KIF16B: variants seen among roughly 807,000 people sequenced by gnomAD.
The protein encoded by KIF16B is kinesin-like protein KIF16B.
Under a neutral mutation model 156.3 loss-of-function variants are expected in KIF16B, and 98 were observed. That is an observed-to-expected ratio of 0.63 (90% CI 0.53 to 0.74). KIF16B has a LOEUF of 0.74. Among genes scored for constraint, KIF16B ranks in the 30% least tolerant of loss-of-function variants. The pLI is 0.00. For missense variants in KIF16B, 1,421 were observed against 1,606.5 expected (o/e 0.88, Z 1.97); for synonymous variants, 564 against 583.7 (o/e 0.97, Z 0.49).
At chr20:16,460,597 C>A (rs1294600915) in intron 12 of KIF16B, among the ~76,000 whole-genome samples, 1 of 151,864 alleles carries the variant, frequency 6.6e-6, no homozygotes, top group African/African-American at 2.4e-5. Context: ...GCCTTACAGG[C>A]AATAAAGCTG....
At chr20:16,365,313 A>T (rs62198124) in intron 22 of KIF16B, among the ~76,000 whole-genome samples, 766 of 152,348 alleles carry the variant, frequency 5.0e-3, no homozygotes, top group Admixed American at 7.8e-3. Flanking sequence ...GTGTTTGTTC[A>T]TGAGGGAAGA....
At chr20:16,430,133 C>G in intron 12 of KIF16B, 151 bp from the exon 13 acceptor site, 1 of 818,096 alleles carries the variant, frequency 1.2e-6, no homozygotes, top group Non-Finnish European at 1.8e-6. Flanking sequence ...TGTTGAAATC[C>G]TGGCAGGTAA....
At chr20:16,357,508 T>A (rs1204072776) in intron 22 of KIF16B, among the ~76,000 whole-genome samples, 2 of 152,178 alleles carry the variant, frequency 1.3e-5, no homozygotes, top group Admixed American at 1.3e-4. Context: ...CTGAGATACA[T>A]TGAGCTAATG....
rs1181855580 is a variant in KIF16B, at chr20:16,378,841, T to A, written c.3161A>T (p.Glu1054Val). 2 of 1,613,352 alleles carry A rather than the reference T, an allele frequency of 1.2e-6. No homozygotes were observed. The highest frequency in any genetic ancestry group is 1.7e-6 in the Non-Finnish European group (2 of 1,179,694). Residue 1054 changes from glutamate to valine, a missense_variant, in exon 19 of 26, where the codon GAG (glutamate) becomes GTG (valine). Transcript: ENST00000354981. The part of the protein sequence containing the change: ...REQSGLQASL[E>V]AEQEALEKDQ... Reference sequence around the variant, plus strand: ...CTTCTCCAGGGCTTCCTGCTCAGCCTCCAGGCTAGCCTGGAGCCCTGACTG... The same window carrying A: ...CTTCTCCAGGGCTTCCTGCTCAGCCACCAGGCTAGCCTGGAGCCCTGACTG...
intron 1 of KIF16B, among the ~76,000 whole-genome samples, chr20:16,564,204 G>A (rs1438022094): frequency 7.2e-5 from 11 of 152,118 alleles, no homozygotes; most frequent in Non-Finnish European, 1.2e-4. Flanking sequence ...GAGTCCTTGC[G>A]GTAATTTGCT....
intron 15 of KIF16B, among the ~76,000 whole-genome samples, chr20:16,423,432 G>A (rs1369217854): frequency 6.6e-6 from 1 of 152,038 alleles, no homozygotes; most frequent in East Asian, 1.9e-4. Flanking sequence ...ATATGAGAAA[G>A]CACTTACAAG....
chr20:16,569,496 C>T (rs1304777180), intron 1 of KIF16B, among the ~76,000 whole-genome samples: 1 of 152,180 alleles, frequency 6.6e-6, no homozygotes, highest in African/African-American at 2.4e-5. Context: ...TAAAAATAAA[C>T]TCATCACATC....
intron 16 of KIF16B, among the ~76,000 whole-genome samples, chr20:16,405,866 G>A (rs549551733): frequency 6.6e-6 from 1 of 151,958 alleles, no homozygotes; most frequent in African/African-American, 2.4e-5. Flanking sequence ...TTCTTTCTCT[G>A]GTCCTTAGCT....
chr20:16,415,936 A>AC (rs1368712136), intron 15 of KIF16B, among the ~76,000 whole-genome samples: 31 of 152,100 alleles, frequency 2.0e-4, no homozygotes, highest in African/African-American at 7.5e-4. Context: ...TGGGAAGTAA[A>AC]GAGTAGCTGT....
intron 17 of KIF16B, among the ~76,000 whole-genome samples, chr20:16,391,301 C>T (rs1388779761): frequency 1.3e-5 from 2 of 152,166 alleles, no homozygotes; most frequent in Non-Finnish European, 2.9e-5. Context: ...TTCTCTTCTG[C>T]CTCCCCTGCC....
At chr20:16,558,340 C>G (rs981142736) in intron 1 of KIF16B, among the ~76,000 whole-genome samples, 1 of 152,202 alleles carries the variant, frequency 6.6e-6, no homozygotes, top group Middle Eastern at 3.2e-3. Flanking sequence ...TTCCCTGCAT[C>G]CGGCGTGGCC....
In KIF16B at chr20:16,544,579, C is replaced by T. The variant is rs984509002; in HGVS notation, c.48-16139G>A. The stretch of plus-strand genomic sequence containing the variant: ...CCAAGATCACACCATTGCACTCCAG[C>T]CTGGGTGACAAGAGTGAAAAGCCAT... On this transcript the variant is annotated intron_variant, in intron 1 of 25. Transcript: ENST00000354981. 5.5e-5 allele frequency among the ~76,000 whole-genome samples: 7 copies of T among 128,320 alleles called. No individual in the cohort carries two copies. In the East Asian group the frequency reaches 1.6e-3, roughly 30 times the overall value. The allele number at this position is 128,320 out of a possible 152,430, so 84.2% of individuals were successfully genotyped here. A position where few individuals can be genotyped will look rare whatever the true frequency, so the allele number is the denominator to read the frequency against.
chr20:16,340,897 G>T (rs1290637904), intron 23 of KIF16B, among the ~76,000 whole-genome samples: 4 of 152,044 alleles, frequency 2.6e-5, no homozygotes, highest in Non-Finnish European at 5.9e-5. Context: ...GATTTCCTAG[G>T]CAATAGATAT....
intron 3 of KIF16B, among the ~76,000 whole-genome samples, chr20:16,519,313 C>G (rs1353062756): frequency 6.6e-6 from 1 of 152,146 alleles, no homozygotes; most frequent in Non-Finnish European, 1.5e-5. Context: ...GACAGGGACT[C>G]GCTATATTGC....
At chr20:16,355,026 GTTT>G (rs60329513) in intron 23 of KIF16B, among the ~76,000 whole-genome samples, 18 of 147,222 alleles carry the variant, frequency 1.2e-4, no homozygotes, top group Admixed American at 5.4e-4. Flanking sequence ...CTGATGCCCT[GTTT>G]TTTTTTTTCT....
Position 16,463,310 on chromosome 20 carries a change from C to T in KIF16B, c.1302+30981G>A, listed in dbSNP as rs546123455. On this transcript the variant is annotated intron_variant, in intron 12 of 25. Coordinates refer to ENST00000354981, the MANE Select transcript of KIF16B (RefSeq NM_024704.5). ...ATTTCCCTGGACAATGATGCTGCTT[C>T]AGAACCACAAAACATGTTGAAGGCA... 3.3e-5 allele frequency among the ~76,000 whole-genome samples: 5 copies of T among 152,282 alleles called. No homozygotes were observed. The East Asian group carries it at 7.7e-4, about 24-fold the overall frequency.
At chr20:16,421,757 C>T (rs1047925745) in intron 15 of KIF16B, among the ~76,000 whole-genome samples, 1 of 152,116 alleles carries the variant, frequency 6.6e-6, no homozygotes, top group Admixed American at 6.6e-5. Context: ...CACTGCACAG[C>T]GTTTTAACAC....
At chr20:16,568,753 G>A (rs146800051) in intron 1 of KIF16B, among the ~76,000 whole-genome samples, 71 of 141,352 alleles carry the variant, frequency 5.0e-4, no homozygotes, top group Non-Finnish European at 9.0e-4. Flanking sequence ...AGGAGGTTGA[G>A]GCTTCAGTGA....
intron 17 of KIF16B, among the ~76,000 whole-genome samples, chr20:16,384,247 C>T (rs2065173732): frequency 6.6e-6 from 1 of 152,180 alleles, no homozygotes; most frequent in Admixed American, 6.5e-5. Flanking sequence ...CTACAACAGT[C>T]TGTAAGAGAG....
Sources: allele counts gnomAD v4.1 joint callset (sites outside exome capture counted in the v4.1 genomes callset), GRCh38; gene constraint gnomAD v4.1.1; transcripts MANE v1.5; gene names NCBI Gene and HGNC (gene_info 2026-07-23, HGNC 2026-07-21).